Variants in INMT observed in about 807,000 individuals in gnomAD.
INMT encodes amine N-methyltransferase.
In INMT, 11 loss-of-function variants were observed where a neutral mutation model predicts 11.5. That is an observed-to-expected ratio of 0.95 (90% CI 0.60 to 1.58). The LOEUF (loss-of-function observed/expected upper bound fraction) is 1.58, where lower values mean the gene tolerates loss of function less well. Ranked by LOEUF, INMT falls within the 40% of genes most tolerant of loss-of-function variation. INMT has a pLI of 0.00. For synonymous variants in INMT, 155 were observed against 142.9 expected, an observed-to-expected ratio of 1.08 and a Z score of -0.60; for missense variants, 316 against 336.1, an observed-to-expected ratio of 0.94 and a Z score of 0.47.
rs992367252 is a variant in INMT, at chr7:30,754,512, C to G, written c.362+574C>G. On this transcript the variant is annotated intron_variant, in intron 2 of 2. Coordinates refer to ENST00000013222, the MANE Select transcript of INMT (RefSeq NM_006774.5). This position sits in a 1 kb window ranked among gnomAD's most constrained non-coding sequence, Gnocchi z 4.9. ...CCATCCATCCATCCATCCATCCACC[C>G]ATTCATATCCATCCATCCATCCACA... Among the ~76,000 whole-genome samples the G allele has an allele frequency of 1.3e-5, 2 of 151,314 alleles. No individual in the cohort carries two copies. The highest frequency in any genetic ancestry group is 4.9e-5 in the African/African-American group (2 of 41,104).
chr7:30,756,309 C>G lies in INMT; in HGVS notation c.*458C>G. 1.3e-6 allele frequency: 1 copy of G among 772,974 alleles called. No homozygotes were observed. The highest frequency in any genetic ancestry group is 1.6e-6 in the Non-Finnish European group (1 of 636,222). 47.9% of individuals were successfully genotyped at this position (772,974 alleles called of 1,614,324 possible). ...AGAGTGCAATGGCACGATCTCGGCT[C>G]ACTGCAAGCTCTGCGTCCTGGGTTG... is the stretch of plus-strand genomic sequence containing the variant. On this transcript the variant is annotated 3_prime_UTR_variant, in exon 3 of 3. Coordinates refer to ENST00000013222, the MANE Select transcript of INMT (RefSeq NM_006774.5).
At chr7:30,752,327 C>CA in intron 1 of INMT, 23 bp downstream of exon 1, 1 of 1,597,162 alleles carries the variant, frequency 6.3e-7, no homozygotes, top group Non-Finnish European at 8.6e-7. Flanking sequence ...TGGCCCTTCC[C>CA]CTTGAGCCTC....
rs1275443346 is a variant in INMT, at chr7:30,755,578, T to C, written c.519T>C (p.Leu173=). 6.2e-7 allele frequency: 1 copy of C among 1,614,030 alleles called. No homozygotes were observed. Among genetic ancestry groups the C allele is most frequent in the Non-Finnish European group, 8.5e-7 (1 of 1,180,054 alleles). The part of the protein sequence containing the change: ...LLAMECACCS[L]DAYRAALCNL... ...CCATGGAGTGTGCCTGCTGTAGCCT[T>C]GATGCCTACCGCGCTGCCCTGTGCA... Residue 173 remains leucine (L), a synonymous_variant, in exon 3 of 3, where the codon CTT becomes CTC. Transcript: ENST00000013222.
In INMT at chr7:30,752,225, C is replaced by T; in HGVS notation, c.75C>T (p.Tyr25=). The part of the protein sequence containing the change: ...FLPRDYLATY[Y]SFDGSPSPEA... ...CCAGGGACTACTTGGCTACTTACTA[C>T]AGCTTCGATGGCAGCCCCTCACCCG... is the stretch of plus-strand genomic sequence containing the variant. Residue 25 remains tyrosine (Y), a synonymous_variant, in exon 1 of 3, where the codon TAC becomes TAT. Transcript: ENST00000013222. 3 of 1,614,126 alleles carry T rather than the reference C, an allele frequency of 1.9e-6. No individual in the cohort carries two copies. The highest frequency in any genetic ancestry group is 2.7e-5 in the African/African-American group (2 of 75,028).
intron 1 of INMT, 63 bp from the exon 2 acceptor site, chr7:30,753,668 C>A: frequency 2.0e-6 from 3 of 1,464,194 alleles, no homozygotes; most frequent in Non-Finnish European, 2.9e-6. Context: ...GTGTCCTCAT[C>A]CCTGTGTCTG....
Position 30,755,680 on chromosome 7 carries a change from G to T in INMT, c.621G>T (p.Gly207=), listed in dbSNP as rs773010475. The change falls in exon 3 of 3, where the codon GGG becomes GGT. Residue 207 remains glycine (G), a synonymous_variant. Coordinates refer to ENST00000013222, the MANE Select transcript of INMT (RefSeq NM_006774.5). ...TTCGGCTCCCGTCCTACATGGTGGG[G>T]AAGCGTGAATTTTCCTGCGTGGCCC... The part of the protein sequence containing the change: ...VTLRLPSYMV[G]KREFSCVALE... 26 of 1,614,246 alleles carry T rather than the reference G, an allele frequency of 1.6e-5. No homozygotes were observed. Among genetic ancestry groups the T allele is most frequent in the Non-Finnish European group, 2.2e-5 (26 of 1,180,030 alleles).
In INMT at chr7:30,753,905, C is replaced by T. The variant is rs201737289; in HGVS notation, c.329C>T (p.Ala110Val). The T allele has an allele frequency of 2.5e-4, 401 of 1,614,082 alleles. 1 individual carries two copies. Among genetic ancestry groups the T allele is most frequent in the Non-Finnish European group, 3.1e-4 (366 of 1,180,014 alleles). Residue 110 changes from alanine (A) to valine (V), a missense_variant, in exon 2 of 3, where the codon GCG (alanine) becomes GTG (valine). Ala to Val is a moderately conservative substitution (Grantham distance 64). Transcript: ENST00000013222. ...KEPGAYDWTP[A>V]VKFACELEGN... is the part of the protein sequence containing the mutation. The stretch of plus-strand genomic sequence containing the variant: ...CCGGGGGCCTATGACTGGACCCCAG[C>T]GGTGAAATTCGCCTGTGAGCTGGAA...
chr7:30,755,533 C>T lies in INMT; in HGVS notation c.474C>T (p.Asp158=). 1 of 1,611,802 alleles carries T rather than the reference C, an allele frequency of 6.2e-7. No individual in the cohort carries two copies. The highest frequency in any genetic ancestry group is 1.3e-5 in the African/African-American group (1 of 75,056). Residue 158 remains aspartate, a synonymous_variant, in exon 3 of 3, where the codon GAC becomes GAT. Coordinates refer to ENST00000013222, the MANE Select transcript of INMT (RefSeq NM_006774.5). ...CCCCGGCTGTGTTGCCTCTCGCCGA[C>T]TGTGTGCTCACCCTGCTGGCCATGG... is the stretch of plus-strand genomic sequence containing the variant. ...PLAPAVLPLA[D]CVLTLLAMEC...
rs10225477 is a variant in INMT, at chr7:30,755,626, G to A, written c.567G>A (p.Pro189=). Residue 189 remains proline (P), a synonymous_variant, in exon 3 of 3, where the codon CCG becomes CCA. Transcript: ENST00000013222. ...ALCNLASLLK[P]GGHLVTTVTL... is the part of the protein sequence containing the mutation. The stretch of plus-strand genomic sequence containing the variant: ...GCAACCTTGCCTCACTGCTCAAGCC[G>A]GGTGGCCACCTGGTGACCACTGTCA... The A allele has an allele frequency of 2.2e-3, 3,627 of 1,614,188 alleles. 74 individuals carry two copies. In the African/African-American group the frequency reaches 0.041, roughly 18 times the overall value.
chr7:30,756,024 A>T lies in INMT; in HGVS notation c.*173A>T, dbSNP rs1178964775. 23 of 1,416,684 alleles carry T rather than the reference A, an allele frequency of 1.6e-5. No individual in the cohort carries two copies. In the Admixed American group the frequency reaches 4.9e-4, roughly 30 times the overall value. The allele number at this position is 1,416,684 out of a possible 1,614,324, so 87.8% of individuals were successfully genotyped here. On this transcript the variant is annotated 3_prime_UTR_variant, in exon 3 of 3. Coordinates refer to ENST00000013222, the MANE Select transcript of INMT (RefSeq NM_006774.5). ...TGTTTTAGAATTCTAAGTTTCCAAC[A>T]TTCCTCATTCTAGGATCCTAGGAGT...
chr7:30,755,438 AAGG>A lies in INMT; in HGVS notation c.385_387del (p.Glu129del). On this transcript the variant is annotated inframe_deletion, in exon 3 of 3. Coordinates refer to ENST00000013222, the MANE Select transcript of INMT (RefSeq NM_006774.5). ...TCTCTGCAGCGGCCGATGGGAGGAGAAGGAGGAGAAGCTGCGGGCAGCGGTGAA... is the reference window on the plus strand; with the variant it reads ...TCTCTGCAGCGGCCGATGGGAGGAGAAGGAGAAGCTGCGGGCAGCGGTGAA... The A allele has an allele frequency of 6.3e-7, 1 of 1,596,830 alleles. No individual in the cohort carries two copies. The highest frequency in any genetic ancestry group is 8.5e-7 in the Non-Finnish European group (1 of 1,178,576).
intron 1 of INMT, among the ~76,000 whole-genome samples, chr7:30,752,950 T>C (rs1451521443): frequency 1.3e-5 from 2 of 152,160 alleles, no homozygotes; most frequent in African/African-American, 4.8e-5. Flanking sequence ...GGCACTTGAC[T>C]GGGGAACAGT....
In INMT at chr7:30,755,872, G is replaced by A. The variant is rs921625151; in HGVS notation, c.*21G>A. ...CCTGAGCCAGGAGGGCCAGCCAGAG[G>A]TCTGGTCAGGCTGTGAGGCCTTGGC... On this transcript the variant is annotated 3_prime_UTR_variant, in exon 3 of 3. Transcript: ENST00000013222. The A allele has an allele frequency of 5.6e-6, 9 of 1,593,868 alleles. No individual in the cohort carries two copies. The African/African-American group carries it at 1.1e-4, about 19-fold the overall frequency.
chr7:30,754,285 A>T lies in INMT; in HGVS notation c.362+347A>T, dbSNP rs989234717. ...TCTAACTATCCGTGCATATCCATCC[A>T]TCCGTCCACCCACCGGTTCATCCAT... On this transcript the variant is annotated intron_variant, in intron 2 of 2. Transcript: ENST00000013222. The surrounding 1 kb of genome is among the most constrained non-coding windows in gnomAD (Gnocchi z 4.9). Among the ~76,000 whole-genome samples the T allele has an allele frequency of 6.6e-6, 1 of 151,950 alleles. No homozygotes were observed. Among genetic ancestry groups the T allele is most frequent in the Non-Finnish European group, 1.5e-5 (1 of 68,002 alleles).
At chr7:30,752,375 C>G (rs11981762) in intron 1 of INMT, 71 bp downstream of exon 1, 14 of 1,359,438 alleles carry the variant, frequency 1.0e-5, no homozygotes, top group Non-Finnish European at 1.5e-5. Flanking sequence ...GAGACGGTGT[C>G]CTGGGGGCAG....
At chr7:30,753,057 C>T (rs1584194808) in intron 1 of INMT, among the ~76,000 whole-genome samples, 1 of 152,194 alleles carries the variant, frequency 6.6e-6, no homozygotes, top group East Asian at 1.9e-4. Context: ...AATCAGAGAA[C>T]AGCCGGACTG....
intron 1 of INMT, 130 bp from the exon 2 acceptor site, chr7:30,753,601 G>A: frequency 1.3e-6 from 1 of 780,988 alleles, no homozygotes; most frequent in Non-Finnish European, 2.2e-6. Context: ...CTTACAGGGA[G>A]CTGCCAATCC....
intron 1 of INMT, 86 bp downstream of exon 1, chr7:30,752,390 G>T: frequency 8.4e-7 from 1 of 1,185,700 alleles, no homozygotes; most frequent in Non-Finnish European, 1.2e-6. Context: ...GGGCAGTCTG[G>T]TCTCCTCTAG....
chr7:30,756,402 A>ATTTTTTTTTTTTTTTTTTTTTT lies in INMT; in HGVS notation c.*570_*571insTTTTTTTTTTTTTTTTTTTTTT, dbSNP rs58472657. Reference sequence around the variant, plus strand: ...AGGAGCTCGCCACCACACCCAGCTAATTTTTTTTTTTTTTTTTTTATTTGA... The same window carrying ATTTTTTTTTTTTTTTTTTTTTT: ...AGGAGCTCGCCACCACACCCAGCTAATTTTTTTTTTTTTTTTTTTTTTTTTTTTTTTTTTTTTTTTTATTTGA... On this transcript the variant is annotated 3_prime_UTR_variant, in exon 3 of 3. Transcript: ENST00000013222. The ATTTTTTTTTTTTTTTTTTTTTT allele has an allele frequency of 3.1e-5, 3 of 95,636 alleles. No homozygotes were observed. Among genetic ancestry groups the ATTTTTTTTTTTTTTTTTTTTTT allele is most frequent in the African/African-American group, 1.3e-4 (3 of 22,344 alleles). The allele number at this position is 95,636 out of a possible 1,614,324, so 5.9% of individuals were successfully genotyped here. A position where few individuals can be genotyped will look rare whatever the true frequency, so the allele number is the denominator to read the frequency against.
Sources: allele counts gnomAD v4.1 joint callset (sites outside exome capture counted in the v4.1 genomes callset), GRCh38; gene constraint gnomAD v4.1.1; non-coding constraint Gnocchi (gnomAD v3.1); transcripts MANE v1.5; gene names NCBI Gene and HGNC (gene_info 2026-07-23, HGNC 2026-07-21).